Variants in VCL observed in about 807,000 individuals in gnomAD.
The protein encoded by VCL is vinculin, also known as epididymis luminal protein 114.
Under a neutral mutation model 125.7 loss-of-function variants are expected in VCL, and 47 were observed. The ratio of observed to expected loss-of-function variants is 0.37; its 90% CI spans 0.30 to 0.48. The LOEUF (loss-of-function observed/expected upper bound fraction) is 0.48. VCL is among the 20% of genes least tolerant of loss of function. VCL has a pLI of 0.99. For synonymous variants in VCL, 458 were observed against 514.6 expected, an observed-to-expected ratio of 0.89 and a Z score of 1.49; for missense variants, 1,069 against 1,455.5, an observed-to-expected ratio of 0.73 and a Z score of 4.32.
intron 1 of VCL, among the ~76,000 whole-genome samples, chr10:74,033,625 T>C (rs944419839): frequency 6.6e-6 from 1 of 152,236 alleles, no homozygotes; most frequent in Admixed American, 6.5e-5. Flanking sequence ...CAGCTACTTA[T>C]CTGTTGGTGG....
At chr10:74,106,627 G>A (rs968518139) in intron 16 of VCL, among the ~76,000 whole-genome samples, 1 of 152,194 alleles carries the variant, frequency 6.6e-6, no homozygotes, top group Non-Finnish European at 1.5e-5. Flanking sequence ...GGAAGGAGGG[G>A]CTCCCCTATT....
intron 19 of VCL, among the ~76,000 whole-genome samples, chr10:74,112,906 G>T (rs143602608): frequency 2.5e-3 from 374 of 152,344 alleles, no homozygotes; most frequent in Non-Finnish European, 4.3e-3. Context: ...TGGGGTCCTG[G>T]AATGATCCTA....
At chr10:74,059,688 A>G (rs1377114238) in intron 2 of VCL, among the ~76,000 whole-genome samples, 2 of 152,142 alleles carry the variant, frequency 1.3e-5, no homozygotes, top group East Asian at 3.9e-4. Context: ...TACAGGTGTG[A>G]GCCACCGCGT....
At chr10:74,064,455 G>C (rs550717193) in intron 2 of VCL, among the ~76,000 whole-genome samples, 1 of 152,114 alleles carries the variant, frequency 6.6e-6, no homozygotes, top group East Asian at 1.9e-4. Context: ...ACCCACACTG[G>C]AGTGCAGTGG....
At chr10:74,076,972 C>T (rs116593235) in intron 6 of VCL, 186 of 152,704 alleles carry the variant, frequency 1.2e-3, no homozygotes, top group African/African-American at 4.3e-3. Flanking sequence ...TCAAGAGCTG[C>T]TTCTCTCATT....
At chr10:74,022,407 A>G (rs1467822642) in intron 1 of VCL, among the ~76,000 whole-genome samples, 1 of 151,656 alleles carries the variant, frequency 6.6e-6, no homozygotes, top group Non-Finnish European at 1.5e-5. Flanking sequence ...TTAGCCGGGC[A>G]TGATGGCACG....
Position 74,114,348 on chromosome 10 carries a change from G to A in VCL, c.3114G>A (p.Lys1038=), listed in dbSNP as rs749303911. The change falls in exon 20 of 22, where the codon AAG becomes AAA. Residue 1038 remains lysine, a synonymous_variant. Transcript: ENST00000211998. ...CTCGGTTGGCCAAGGAGGTTGCCAA[G>A]CAGTGCACAGATAAACGGATTAGAA... The part of the protein sequence containing the change: ...EVTRLAKEVA[K]QCTDKRIRTN... The A allele has an allele frequency of 6.2e-7, 1 of 1,613,752 alleles. No individual in the cohort carries two copies. Among genetic ancestry groups the A allele is most frequent in the African/African-American group, 1.3e-5 (1 of 74,794 alleles).
In VCL at chr10:74,095,812, C is replaced by T; in HGVS notation, c.1700C>T (p.Pro567Leu). The T allele has an allele frequency of 1.2e-6, 2 of 1,614,128 alleles. No homozygotes were observed. The highest frequency in any genetic ancestry group is 1.7e-6 in the Non-Finnish European group (2 of 1,180,040). Residue 567 changes from proline (P) to leucine (L), a missense_variant, in exon 12 of 22, where the codon CCT becomes CTT. Pro to Leu is a moderately conservative substitution (Grantham distance 98). Transcript: ENST00000211998. ...GCTGCCAGAGGGGAAGGGGAGAGTCCTCAGGCACGAGCACTTGCATCTCAG... is the reference window on the plus strand; with the variant it reads ...GCTGCCAGAGGGGAAGGGGAGAGTCTTCAGGCACGAGCACTTGCATCTCAG... ...DLAARGEGES[P>L]QARALASQLQ...
intron 6 of VCL, among the ~76,000 whole-genome samples, chr10:74,081,498 T>C (rs2136279512): frequency 6.6e-6 from 1 of 152,338 alleles, no homozygotes; most frequent in African/African-American, 2.4e-5. Flanking sequence ...AGAGGTTAAC[T>C]TTGTGCTTTG....
At chr10:74,032,240 T>TAAA (rs770412004) in intron 1 of VCL, among the ~76,000 whole-genome samples, 7 of 75,984 alleles carry the variant, frequency 9.2e-5, no homozygotes, top group African/African-American at 2.2e-4. Flanking sequence ...TGTTTCAGAA[T>TAAA]AAAAAAAAAA....
chr10:74,081,542 G>T (rs1038439691), intron 6 of VCL, among the ~76,000 whole-genome samples: 5 of 152,122 alleles, frequency 3.3e-5, no homozygotes, highest in African/African-American at 1.2e-4. Flanking sequence ...GTTTCCTACA[G>T]CAAAAAGGAG....
At chr10:74,036,570 A>AT (rs1283672146) in intron 1 of VCL, among the ~76,000 whole-genome samples, 1 of 152,052 alleles carries the variant, frequency 6.6e-6, no homozygotes. Context: ...ATTTTAAGGC[A>AT]TAAAAAAAAT....
intron 6 of VCL, chr10:74,077,693 T>G (rs1226598357): frequency 2.2e-6 from 1 of 453,592 alleles, no homozygotes; most frequent in Non-Finnish European, 4.4e-6. Flanking sequence ...TGCCTCCCCA[T>G]TGGTGCAGTA....
chr10:74,074,980 T>C, intron 6 of VCL, 77 bp downstream of exon 6: 1 of 1,570,074 alleles, frequency 6.4e-7, no homozygotes, highest in Non-Finnish European at 8.7e-7. Context: ...ACCTGTCTCA[T>C]ACTTTATCTT....
intron 6 of VCL, among the ~76,000 whole-genome samples, chr10:74,081,377 TG>T (rs989885169): frequency 6.6e-5 from 10 of 152,112 alleles, no homozygotes; most frequent in Non-Finnish European, 7.4e-5. Flanking sequence ...GAATTGGAAG[TG>T]GGGATGCTCC....
intron 14 of VCL, among the ~76,000 whole-genome samples, chr10:74,102,869 G>GTT (rs879910158): frequency 2.7e-5 from 4 of 146,370 alleles, no homozygotes; most frequent in South Asian, 2.2e-4. Flanking sequence ...ACCTCTGTGA[G>GTT]TTTTTTTTTT....
intron 1 of VCL, among the ~76,000 whole-genome samples, chr10:74,006,753 A>T (rs1206441720): frequency 6.6e-6 from 1 of 152,192 alleles, no homozygotes; most frequent in East Asian, 1.9e-4. Flanking sequence ...TGTATATGAA[A>T]CATAAATGAA....
At chr10:74,081,103 A>T (rs1344925192) in intron 6 of VCL, among the ~76,000 whole-genome samples, 2 of 152,188 alleles carry the variant, frequency 1.3e-5, no homozygotes, top group African/African-American at 4.8e-5. Context: ...ATATAACTTG[A>T]TAATAAAAAT....
chr10:74,100,636 C>T (rs1840036940), intron 13 of VCL, among the ~76,000 whole-genome samples: 1 of 152,104 alleles, frequency 6.6e-6, no homozygotes, highest in South Asian at 2.1e-4. Context: ...TCACATTCAG[C>T]AAATTACTGC....
Sources: gnomAD v4.1 joint callset for allele counts (sites outside exome capture counted in the v4.1 genomes callset) on GRCh38, gnomAD v4.1.1 for gene constraint, MANE v1.5 for transcripts, NCBI Gene and HGNC (gene_info 2026-07-23, HGNC 2026-07-21) for gene names.